ELMO1: variants seen among roughly 807,000 people sequenced by gnomAD.
The protein encoded by ELMO1 is engulfment and cell motility protein 1.
A neutral mutation model predicts 98.9 loss-of-function variants in ELMO1; 26 were observed. That is an observed-to-expected ratio of 0.26 (90% CI 0.19 to 0.36). The LOEUF (loss-of-function observed/expected upper bound fraction) is 0.36. Ranked by LOEUF, ELMO1 falls within the 10% of genes least tolerant of loss-of-function variation. ELMO1 has a pLI of 1.00. For synonymous variants in ELMO1, 346 were observed against 346.0 expected, an observed-to-expected ratio of 1.00 and a Z score of 0.00; for missense variants, 627 against 935.2, an observed-to-expected ratio of 0.67 and a Z score of 4.30.
At chr7:37,123,664 A>G (rs573258460) in intron 14 of ELMO1, among the ~76,000 whole-genome samples, 577 of 152,282 alleles carry the variant, frequency 3.8e-3, no homozygotes, top group Middle Eastern at 6.8e-3. Flanking sequence ...CAACCAAAAA[A>G]AGTCCAGAAC....
chr7:37,422,074 G>C (rs1804497858), intron 1 of ELMO1, among the ~76,000 whole-genome samples: 1 of 152,222 alleles, frequency 6.6e-6, no homozygotes, highest in Non-Finnish European at 1.5e-5. Flanking sequence ...GGTCTCATCT[G>C]ACTGGTTAGC....
chr7:36,940,299 C>T (rs895834139), intron 16 of ELMO1, among the ~76,000 whole-genome samples: 6 of 152,224 alleles, frequency 3.9e-5, no homozygotes, highest in African/African-American at 1.4e-4. Flanking sequence ...GCCTTCTACA[C>T]TCACACTGTA....
intron 8 of ELMO1, among the ~76,000 whole-genome samples, chr7:37,227,253 G>T (rs915613895): frequency 6.6e-6 from 1 of 152,198 alleles, no homozygotes; most frequent in African/African-American, 2.4e-5. Flanking sequence ...ATCTTCTGCA[G>T]TTTATTTTAT....
Position 37,104,091 on chromosome 7 carries a change from A to G in ELMO1, c.1192-7364T>C, listed in dbSNP as rs182435426. Among the ~76,000 whole-genome samples the G allele has an allele frequency of 1.5e-4, 23 of 150,536 alleles. No individual in the cohort carries two copies. The East Asian group carries it at 4.3e-3, about 28-fold the overall frequency. ...ATGTTCGATAATTTTCTTCCAGTCA[A>G]GACGTTCCTAATAATGCTGGACAAC... is the stretch of plus-strand genomic sequence containing the variant. On this transcript the variant is annotated intron_variant, in intron 14 of 21. Transcript: ENST00000310758.
At chr7:37,331,292 C>A (rs1432651766) in intron 2 of ELMO1, among the ~76,000 whole-genome samples, 7 of 150,444 alleles carry the variant, frequency 4.7e-5, no homozygotes, top group African/African-American at 1.7e-4. Context: ...GCCTCAGCCT[C>A]CCGAGTAGCT....
At chr7:37,161,068 G>C (rs1296983301) in intron 13 of ELMO1, among the ~76,000 whole-genome samples, 1 of 152,168 alleles carries the variant, frequency 6.6e-6, no homozygotes, top group African/African-American at 2.4e-5. Context: ...ATGATGCCCA[G>C]AAAATGCTGT....
At chr7:37,368,571 A>T (rs1171400853) in intron 1 of ELMO1, among the ~76,000 whole-genome samples, 1 of 152,170 alleles carries the variant, frequency 6.6e-6, no homozygotes, top group Non-Finnish European at 1.5e-5. Flanking sequence ...GAATTTCTTA[A>T]GACCCCACTC....
intron 15 of ELMO1, among the ~76,000 whole-genome samples, chr7:37,040,846 G>T (rs963485908): frequency 1.7e-4 from 26 of 152,134 alleles, no homozygotes; most frequent in African/African-American, 5.8e-4. Flanking sequence ...GGAGGCCGAG[G>T]TGGGCAGGTC....
intron 13 of ELMO1, among the ~76,000 whole-genome samples, chr7:37,174,399 G>A (rs771413149): frequency 9.2e-5 from 14 of 152,098 alleles, no homozygotes; most frequent in Non-Finnish European, 7.3e-5. Context: ...ACCAAAAATC[G>A]AGCCCCCTAA....
intron 1 of ELMO1, among the ~76,000 whole-genome samples, chr7:37,396,367 A>T (rs1422271927): frequency 2.0e-5 from 3 of 152,174 alleles, no homozygotes; most frequent in Non-Finnish European, 4.4e-5. Context: ...TGGGCAACAT[A>T]GCGAGACTCC....
intron 1 of ELMO1, among the ~76,000 whole-genome samples, chr7:37,396,777 A>G (rs1443160735): frequency 6.6e-6 from 1 of 152,176 alleles, no homozygotes; most frequent in Non-Finnish European, 1.5e-5. Flanking sequence ...ACTTTTGCCT[A>G]TTTGCCTATT....
chr7:37,191,441 A>G (rs1791570519), intron 13 of ELMO1, among the ~76,000 whole-genome samples: 1 of 152,166 alleles, frequency 6.6e-6, no homozygotes, highest in South Asian at 2.1e-4. Flanking sequence ...ATCAAAAATA[A>G]TTGTGTCAAA....
chr7:36,884,899 G>A (rs981953705), intron 18 of ELMO1, among the ~76,000 whole-genome samples: 2 of 152,170 alleles, frequency 1.3e-5, no homozygotes, highest in Non-Finnish European at 2.9e-5. Context: ...TCCTGCACTG[G>A]GAGTGTCTGC....
chr7:37,169,198 G>T (rs556362782), intron 13 of ELMO1, among the ~76,000 whole-genome samples: 5 of 152,146 alleles, frequency 3.3e-5, no homozygotes, highest in Non-Finnish European at 7.3e-5. Context: ...TTGGAAAAGC[G>T]CAGTATTCGG....
chr7:37,280,951 C>T (rs905659231), intron 4 of ELMO1, among the ~76,000 whole-genome samples: 14 of 112,528 alleles, frequency 1.2e-4, no homozygotes, highest in Non-Finnish European at 2.8e-4. Context: ...GGAACCAACC[C>T]AAATGCCCAT....
Position 37,342,472 on chromosome 7 carries a change from G to T in ELMO1, c.78+141C>A. 1.2e-6 allele frequency: 1 copy of T among 836,676 alleles called. No homozygotes were observed. The highest frequency in any genetic ancestry group is 2.0e-6 in the Non-Finnish European group (1 of 495,692). 51.8% of individuals were successfully genotyped at this position (836,676 alleles called of 1,614,324 possible). On this transcript the variant is annotated intron_variant, in intron 2 of 21. Transcript: ENST00000310758. This position sits in a 1 kb window ranked among gnomAD's most constrained non-coding sequence, Gnocchi z 4.3. The stretch of plus-strand genomic sequence containing the variant: ...TCACTGTATGTGCTACAGAAATCAA[G>T]CACATTGCAACTATTATTGCACAGA...
At chr7:37,379,936 C>G (rs1237519150) in intron 1 of ELMO1, among the ~76,000 whole-genome samples, 2 of 152,128 alleles carry the variant, frequency 1.3e-5, no homozygotes, top group Non-Finnish European at 1.5e-5. Flanking sequence ...ATGTAAAGAG[C>G]CTTTTCCACC....
intron 16 of ELMO1, among the ~76,000 whole-genome samples, chr7:36,927,309 T>C (rs1411175274): frequency 6.6e-6 from 1 of 152,202 alleles, no homozygotes; most frequent in Non-Finnish European, 1.5e-5. Flanking sequence ...ATGCAAAAGA[T>C]ATATAGTACT....
At chr7:36,877,952 TGACTAGGAAACAACCAACC>T in intron 19 of ELMO1, 39 bp downstream of exon 19, 1 of 1,306,696 alleles carries the variant, frequency 7.7e-7, no homozygotes, top group Non-Finnish European at 1.1e-6. Flanking sequence ...TGATATATTG[TGACTAGGAAACAACCAACC>T]GACCACCACT....
Sources: allele counts gnomAD v4.1 joint callset (sites outside exome capture counted in the v4.1 genomes callset), GRCh38; gene constraint gnomAD v4.1.1; non-coding constraint Gnocchi (gnomAD v3.1); transcripts MANE v1.5; gene names NCBI Gene and HGNC (gene_info 2026-07-23, HGNC 2026-07-21).